The following SLIT3 variants were observed in gnomAD, a reference collection of about 807,000 sequenced individuals.
SLIT3 encodes slit guidance ligand 3.
A neutral mutation model predicts 184.0 loss-of-function variants in SLIT3; 68 were observed. That is an observed-to-expected ratio of 0.37 (90% CI 0.30 to 0.45). The LOEUF is 0.45. SLIT3 is among the 20% of genes least tolerant of loss of function. SLIT3 has a pLI of 1.00. For missense variants in SLIT3, 1,707 were observed against 2,026.0 expected (o/e 0.84, Z 3.02); for synonymous variants, 831 against 828.6 (o/e 1.00, Z -0.05).
intron 32 of SLIT3, among the ~76,000 whole-genome samples, chr5:168,676,693 G>A (rs1761421692): frequency 6.7e-6 from 1 of 150,352 alleles, no homozygotes; most frequent in African/African-American, 2.5e-5. Context: ...CTGTTTGGAT[G>A]CAAATGAGCT....
chr5:169,005,854 A>G (rs17734257), intron 4 of SLIT3, among the ~76,000 whole-genome samples: 23,749 of 152,198 alleles, frequency 0.16, 2,062 homozygotes, highest in East Asian at 0.41. Context: ...TTCAAAGGCA[A>G]CCTATGTTAT....
intron 3 of SLIT3, among the ~76,000 whole-genome samples, chr5:169,201,777 G>T (rs535260429): frequency 3.3e-5 from 5 of 152,328 alleles, no homozygotes; most frequent in Non-Finnish European, 2.9e-5. Context: ...TAACTCCCTT[G>T]ACCCAGCAGT....
At chr5:169,298,591 G>A (rs1222016660) in intron 1 of SLIT3, among the ~76,000 whole-genome samples, 2 of 152,192 alleles carry the variant, frequency 1.3e-5, no homozygotes, top group South Asian at 4.1e-4. Flanking sequence ...ACCAGAAGCA[G>A]AAGCAACAGC....
intron 1 of SLIT3, among the ~76,000 whole-genome samples, chr5:169,257,284 A>G (rs1313400191): frequency 6.6e-6 from 1 of 152,064 alleles, no homozygotes; most frequent in African/African-American, 2.4e-5. Flanking sequence ...GGAGGATCCC[A>G]GGGATGGGAA....
At chr5:169,215,734 A>G (rs565849726) in intron 3 of SLIT3, among the ~76,000 whole-genome samples, 72 of 152,328 alleles carry the variant, frequency 4.7e-4, no homozygotes, top group Non-Finnish European at 8.2e-4. Flanking sequence ...CTGAATAAAG[A>G]AGGAAAGATT....
At chr5:169,116,595 A>T (rs544128223) in intron 4 of SLIT3, among the ~76,000 whole-genome samples, 2 of 152,338 alleles carry the variant, frequency 1.3e-5, no homozygotes, top group South Asian at 4.1e-4. Context: ...GACTGGAAAG[A>T]TCTAGGCAAC....
intron 3 of SLIT3, among the ~76,000 whole-genome samples, chr5:169,226,059 C>T (rs533960268): frequency 9.4e-4 from 143 of 152,182 alleles, no homozygotes; most frequent in African/African-American, 3.2e-3. Flanking sequence ...AAAGGCCAAC[C>T]GTAGAAGGCA....
chr5:168,806,416 T>C, intron 9 of SLIT3, 30 bp downstream of exon 9: 1 of 1,613,476 alleles, frequency 6.2e-7, no homozygotes, highest in Non-Finnish European at 8.5e-7. Flanking sequence ...CCGGCGACAG[T>C]TGTTGGGGGT....
intron 4 of SLIT3, among the ~76,000 whole-genome samples, chr5:168,953,463 G>C (rs921436561): frequency 6.6e-6 from 1 of 152,188 alleles, no homozygotes; most frequent in Non-Finnish European, 1.5e-5. Flanking sequence ...GGGAGAATAT[G>C]TCAGAATATT....
At chr5:169,195,769 G>T (rs569563366) in intron 3 of SLIT3, among the ~76,000 whole-genome samples, 1 of 151,924 alleles carries the variant, frequency 6.6e-6, no homozygotes, top group Admixed American at 6.6e-5. Flanking sequence ...CAAGTGATCC[G>T]CCCACCTCAG....
rs1041601890 is a variant in SLIT3, at chr5:169,300,097, C to T, written c.197+416G>A. On this transcript the variant is annotated intron_variant, in intron 1 of 35. Coordinates refer to ENST00000519560, the MANE Select transcript of SLIT3 (RefSeq NM_003062.4). The surrounding 1 kb of genome is among the most constrained non-coding windows in gnomAD (Gnocchi z 4.1). ...GGTCAACAGTCTCGGGCCCTCTCTC[C>T]CGCCTCCGCGCCTTGACGGCCCATC... is the stretch of plus-strand genomic sequence containing the variant. Among the ~76,000 whole-genome samples, 7 of 152,270 alleles carry T rather than the reference C, an allele frequency of 4.6e-5. No individual in the cohort carries two copies. The highest frequency in any genetic ancestry group is 1.3e-4 in the Admixed American group (2 of 15,292).
At chr5:169,287,613 G>T (rs923327513) in intron 1 of SLIT3, among the ~76,000 whole-genome samples, 1 of 152,150 alleles carries the variant, frequency 6.6e-6, no homozygotes, top group African/African-American at 2.4e-5. Flanking sequence ...GATCTCCAGT[G>T]ATACCTCAAA....
chr5:169,280,494 A>G (rs538256613), intron 1 of SLIT3, among the ~76,000 whole-genome samples: 1 of 152,306 alleles, frequency 6.6e-6, no homozygotes, highest in South Asian at 2.1e-4. Context: ...CCCCTCGGCT[A>G]TGTGGGAGTG....
intron 4 of SLIT3, among the ~76,000 whole-genome samples, chr5:169,177,769 G>A (rs1264597409): frequency 6.6e-6 from 1 of 152,172 alleles, no homozygotes; most frequent in African/African-American, 2.4e-5. Flanking sequence ...CTAATGGATT[G>A]TCTTCCCTAG....
intron 4 of SLIT3, among the ~76,000 whole-genome samples, chr5:168,950,884 T>G (rs936352128): frequency 1.3e-5 from 2 of 152,296 alleles, no homozygotes; most frequent in East Asian, 3.9e-4. Flanking sequence ...TTCCATAAGT[T>G]GCATACTAGC....
chr5:169,129,978 A>C (rs139665506), intron 4 of SLIT3, among the ~76,000 whole-genome samples: 1 of 152,188 alleles, frequency 6.6e-6, no homozygotes, highest in Non-Finnish European at 1.5e-5. Flanking sequence ...CCACCTGAGC[A>C]GCTGGGATTA....
chr5:169,247,875 T>A (rs1765650189), intron 2 of SLIT3, among the ~76,000 whole-genome samples: 1 of 152,122 alleles, frequency 6.6e-6, no homozygotes, highest in African/African-American at 2.4e-5. Flanking sequence ...CCACCCACCT[T>A]GGCCTTCCAA....
chr5:168,734,783 A>G (rs1164728081), intron 20 of SLIT3, among the ~76,000 whole-genome samples: 1 of 152,114 alleles, frequency 6.6e-6, no homozygotes, highest in Non-Finnish European at 1.5e-5. Flanking sequence ...TTGGCTCACC[A>G]CAGCATTCTC....
chr5:169,103,468 G>A (rs1581412786), intron 4 of SLIT3, among the ~76,000 whole-genome samples: 1 of 152,308 alleles, frequency 6.6e-6, no homozygotes, highest in East Asian at 1.9e-4. Context: ...GCAATGAAAA[G>A]TCAACTCTGC....
Sources: gnomAD v4.1 joint callset for allele counts (sites outside exome capture counted in the v4.1 genomes callset) on GRCh38, gnomAD v4.1.1 for gene constraint, Gnocchi (gnomAD v3.1) non-coding constraint, MANE v1.5 for transcripts, NCBI Gene and HGNC (gene_info 2026-07-23, HGNC 2026-07-21) for gene names.